The following ZFHX3 variants were observed in gnomAD, a reference collection of about 807,000 sequenced individuals.
ZFHX3 encodes the protein zinc finger homeobox 3.
Under a neutral mutation model 279.1 loss-of-function variants are expected in ZFHX3, and 42 were observed. That is an observed-to-expected ratio of 0.15 (90% CI 0.12 to 0.19). The LOEUF is 0.19. Ranked by LOEUF, ZFHX3 falls within the 10% of genes least tolerant of loss-of-function variation. The pLI is 1.00. For synonymous variants in ZFHX3, 2,293 were observed against 1,957.8 expected, an observed-to-expected ratio of 1.17 and a Z score of -4.52; for missense variants, 4,981 against 4,754.0, an observed-to-expected ratio of 1.05 and a Z score of -1.40.
intron 3 of ZFHX3, among the ~76,000 whole-genome samples, chr16:73,428,622 C>T (rs1015565061): frequency 6.6e-6 from 1 of 152,070 alleles, no homozygotes; most frequent in Non-Finnish European, 1.5e-5. Context: ...GGGTCATGTC[C>T]ATTTATAACT....
intron 2 of ZFHX3, among the ~76,000 whole-genome samples, chr16:73,506,697 A>G (rs1367110672): frequency 6.6e-6 from 1 of 151,976 alleles, no homozygotes; most frequent in Non-Finnish European, 1.5e-5. Flanking sequence ...CTTAGGTGCA[A>G]TTTTACACAG....
intron 4 of ZFHX3, among the ~76,000 whole-genome samples, chr16:72,834,415 C>A (rs2037135842): frequency 6.6e-6 from 1 of 152,216 alleles, no homozygotes; most frequent in Non-Finnish European, 1.5e-5. Context: ...AGATAAATAC[C>A]TTCTAAAGGG....
At chr16:73,258,413 A>G (rs747573844) in intron 4 of ZFHX3, among the ~76,000 whole-genome samples, 1 of 151,556 alleles carries the variant, frequency 6.6e-6, no homozygotes, top group South Asian at 2.1e-4. Context: ...GCAGTGGTGC[A>G]ATCTCGGCTC....
chr16:73,013,909 C>G (rs1031624250), intron 1 of ZFHX3, among the ~76,000 whole-genome samples: 1 of 152,194 alleles, frequency 6.6e-6, no homozygotes, highest in East Asian at 1.9e-4. Flanking sequence ...CGCCCACATC[C>G]TAATATCCGT....
chr16:73,850,510 T>C (rs1212482627), intron 1 of ZFHX3, among the ~76,000 whole-genome samples: 1 of 152,110 alleles, frequency 6.6e-6, no homozygotes, highest in Non-Finnish European at 1.5e-5. Context: ...GAATGAGAAC[T>C]CTCGGGGAAA....
At chr16:73,145,042 C>G (rs756786642) in intron 5 of ZFHX3, among the ~76,000 whole-genome samples, 2 of 152,210 alleles carry the variant, frequency 1.3e-5, no homozygotes, top group Non-Finnish European at 2.9e-5. Flanking sequence ...GCAGAACTGT[C>G]TGGTGACAAC....
rs1290874572 is a variant in ZFHX3 at position 73,653,196 on chromosome 16, A to T, written c.-1547+26984T>A. On this transcript the variant is annotated intron_variant, in intron 2 of 17. Transcript: ENST00000641206. ...ATTATTGGATGGACAGAAAAAAGTCAATGAGAATAAAGAAGATTTAAATAA... is the reference window on the plus strand; with the variant it reads ...ATTATTGGATGGACAGAAAAAAGTCTATGAGAATAAAGAAGATTTAAATAA... Among the ~76,000 whole-genome samples the T allele has an allele frequency of 2.0e-5, 3 of 152,312 alleles. No individual in the cohort carries two copies. In the East Asian group the frequency reaches 5.8e-4, roughly 29 times the overall value.
At chr16:73,243,484 T>G (rs1003929717) in intron 5 of ZFHX3, among the ~76,000 whole-genome samples, 7 of 152,184 alleles carry the variant, frequency 4.6e-5, no homozygotes, top group African/African-American at 1.7e-4. Flanking sequence ...TTGTGAAAGA[T>G]CTGTACCTAT....
rs567767110 is a variant in ZFHX3 at position 73,037,822 on chromosome 16, T to C, written c.-50+9930A>G. Among the ~76,000 whole-genome samples the C allele has an allele frequency of 5.1e-4, 76 of 149,622 alleles. No individual in the cohort carries two copies. The South Asian group carries it at 0.016, about 31-fold the overall frequency. On this transcript the variant is annotated intron_variant, in intron 1 of 9. Coordinates refer to ENST00000268489, the MANE Select transcript of ZFHX3 (RefSeq NM_006885.4). ...ATGTCCCCCACCCACCCAAAAAAGATAAAATAAACAAACAGAGCACCACCG... is the reference window on the plus strand; with the variant it reads ...ATGTCCCCCACCCACCCAAAAAAGACAAAATAAACAAACAGAGCACCACCG...
At chr16:73,155,078 A>G (rs79055536) in intron 5 of ZFHX3, among the ~76,000 whole-genome samples, 6,268 of 151,776 alleles carry the variant, frequency 0.041, 410 homozygotes, top group African/African-American at 0.14. Context: ...AGGTTGAGGC[A>G]CAAGAATCGC....
rs143834357 is a variant in ZFHX3, at chr16:73,758,266, G to T, written c.-1607-78026C>A. Among the ~76,000 whole-genome samples, 9 of 151,996 alleles carry T rather than the reference G, an allele frequency of 5.9e-5. No individual in the cohort carries two copies. In the East Asian group the frequency reaches 1.7e-3, roughly 29 times the overall value. On this transcript the variant is annotated intron_variant, in intron 1 of 17. Transcript: ENST00000641206. ...CATTCATTCATTCATTCATTCAACA[G>T]ATATTAAATACCGACTCTAAGTGAG...
At chr16:73,127,298 GGAA>G (rs1309473365) in intron 7 of ZFHX3, 3 of 1,273,406 alleles carry the variant, frequency 2.4e-6, no homozygotes, top group Non-Finnish European at 3.1e-6. Flanking sequence ...CAGAGAAGAG[GGAA>G]GAAGGAAACA....
In ZFHX3 at chr16:73,466,526, C is replaced by A. The variant is rs563389768; in HGVS notation, c.-1546-10268G>T. On this transcript the variant is annotated intron_variant, in intron 2 of 17. Transcript: ENST00000641206. The stretch of plus-strand genomic sequence containing the variant: ...CCACCAAAACCCCACATCTAGAAGA[C>A]TTTTATTACCTAGGCAAGCTTGATT... Among the ~76,000 whole-genome samples the A allele has an allele frequency of 3.9e-5, 6 of 152,252 alleles. No homozygotes were observed. In the South Asian group the frequency reaches 1.0e-3, roughly 26 times the overall value.
At chr16:73,625,055 G>C (rs750018414) in intron 2 of ZFHX3, among the ~76,000 whole-genome samples, 1 of 152,208 alleles carries the variant, frequency 6.6e-6, no homozygotes, top group Non-Finnish European at 1.5e-5. Context: ...AGAGGAAAAA[G>C]AGTCATTTTT....
chr16:72,865,632 G>A (rs1470217420), intron 4 of ZFHX3, among the ~76,000 whole-genome samples: 1 of 14,544 alleles, frequency 6.9e-5, no homozygotes, highest in Non-Finnish European at 1.2e-4. Flanking sequence ...TTGCTACTGA[G>A]ATGGAGGGTA....
At chr16:73,761,901 A>G (rs568961253) in intron 1 of ZFHX3, among the ~76,000 whole-genome samples, 1 of 152,356 alleles carries the variant, frequency 6.6e-6, no homozygotes, top group South Asian at 2.1e-4. Context: ...TCTAGGGAAT[A>G]CCATTCAGGA....
chr16:73,169,980 C>T (rs1967481508), intron 5 of ZFHX3, among the ~76,000 whole-genome samples: 1 of 152,094 alleles, frequency 6.6e-6, no homozygotes. Context: ...GTGTGATTAT[C>T]CATTGAATGT....
At chr16:72,888,954 G>C (rs1286106720) in intron 4 of ZFHX3, among the ~76,000 whole-genome samples, 1 of 152,062 alleles carries the variant, frequency 6.6e-6, no homozygotes, top group Non-Finnish European at 1.5e-5. Flanking sequence ...GTAAGTGACT[G>C]TCTTGTGTGT....
intron 1 of ZFHX3, among the ~76,000 whole-genome samples, chr16:73,028,845 T>C (rs945529036): frequency 2.6e-5 from 4 of 152,226 alleles, no homozygotes; most frequent in African/African-American, 9.6e-5. Flanking sequence ...AGTTCCTCTG[T>C]TGTGAGCAGG....
Sources: allele counts gnomAD v4.1 joint callset (sites outside exome capture counted in the v4.1 genomes callset), GRCh38; gene constraint gnomAD v4.1.1; transcripts MANE v1.5; gene names NCBI Gene and HGNC (gene_info 2026-07-23, HGNC 2026-07-21).